SPINK13: variants seen among roughly 807,000 people sequenced by gnomAD.
The protein encoded by SPINK13 is serine peptidase inhibitor Kazal type 13.
In SPINK13, 11 loss-of-function variants were observed where a neutral mutation model predicts 11.0. The observed-to-expected ratio is 1.00, with a 90% CI of 0.63 to 1.65. SPINK13 has a LOEUF of 1.65. Ranked by LOEUF, SPINK13 falls within the 40% of genes most tolerant of loss-of-function variation. The probability of loss-of-function intolerance (pLI) is 0.00; values close to 1 mark genes in which losing one functional copy is unlikely to be tolerated. For missense variants in SPINK13, 113 were observed against 117.7 expected, an observed-to-expected ratio of 0.96 and a Z score of 0.19; for synonymous variants, 31 against 35.6, an observed-to-expected ratio of 0.87 and a Z score of 0.46.
rs551395850 is a variant in SPINK13 at position 148,271,759 on chromosome 5, G to A, written c.70+1617G>A. 2.2e-4 allele frequency among the ~76,000 whole-genome samples: 34 copies of A among 152,180 alleles called. No individual in the cohort carries two copies. In the East Asian group the frequency reaches 6.4e-3, roughly 29 times the overall value. On this transcript the variant is annotated intron_variant, in intron 2 of 4. Coordinates refer to ENST00000398450, the MANE Select transcript of SPINK13 (RefSeq NM_001040129.3). ...CCTGCCTCAGCCTCCCGAGTAGCTG[G>A]CACTACAGGCGCCCGCCACCACGCC...
chr5:148,285,306 T>C (rs1402908998), intron 4 of SPINK13, among the ~76,000 whole-genome samples: 1 of 152,110 alleles, frequency 6.6e-6, no homozygotes, highest in Non-Finnish European at 1.5e-5. Flanking sequence ...ATATCAAAGG[T>C]GAACCTGATT....
chr5:148,286,202 CAAG>C lies in SPINK13; in HGVS notation c.*157_*159del. The C allele has an allele frequency of 2.4e-6, 1 of 413,124 alleles. No homozygotes were observed. Among genetic ancestry groups the C allele is most frequent in the Non-Finnish European group, 4.4e-6 (1 of 229,748 alleles). The allele number at this position is 413,124 out of a possible 1,614,324, so 25.6% of individuals were successfully genotyped here. Reference sequence around the variant, plus strand: ...GACAAAAATGAAGGAATCAAACTGACAAGAACCAAATATCACATTTGTTACAAA... The same window carrying C: ...GACAAAAATGAAGGAATCAAACTGACAACCAAATATCACATTTGTTACAAA... On this transcript the variant is annotated 3_prime_UTR_variant, in exon 5 of 5. Coordinates refer to ENST00000398450, the MANE Select transcript of SPINK13 (RefSeq NM_001040129.3).
intron 4 of SPINK13, 124 bp from the exon 5 acceptor site, chr5:148,285,876 T>G: frequency 1.9e-6 from 1 of 515,644 alleles, no homozygotes; most frequent in Non-Finnish European, 3.4e-6. Flanking sequence ...AAAAGAAGGA[T>G]GTAAAGGGAA....
At chr5:148,280,409 C>T (rs1450161796) in intron 3 of SPINK13, among the ~76,000 whole-genome samples, 1 of 152,170 alleles carries the variant, frequency 6.6e-6, no homozygotes, top group Non-Finnish European at 1.5e-5. Context: ...GATTTTTCCT[C>T]ATCTTTGTGG....
At chr5:148,272,991 C>A (rs73795069) in intron 2 of SPINK13, among the ~76,000 whole-genome samples, 11,706 of 152,210 alleles carry the variant, frequency 0.077, 1,459 homozygotes, top group African/African-American at 0.27. Flanking sequence ...CCAGGAACCT[C>A]TTTCTCAACA....
chr5:148,276,683 G>C (rs993689844), intron 3 of SPINK13, among the ~76,000 whole-genome samples: 12 of 152,050 alleles, frequency 7.9e-5, no homozygotes, highest in Admixed American at 1.3e-4. Context: ...CTGTTGCCTT[G>C]TAGTATAATT....
intron 3 of SPINK13, among the ~76,000 whole-genome samples, chr5:148,280,256 T>C (rs970565899): frequency 1.3e-5 from 2 of 152,296 alleles, no homozygotes; most frequent in Middle Eastern, 3.4e-3. Flanking sequence ...AGAAGCTTGT[T>C]ATTACCCACC....
In SPINK13 at chr5:148,284,771, G is replaced by A. The variant is rs149264040; in HGVS notation, c.237-1229G>A. On this transcript the variant is annotated intron_variant, in intron 4 of 4. Coordinates refer to ENST00000398450, the MANE Select transcript of SPINK13 (RefSeq NM_001040129.3). ...GAGATATCTGCCACTTGTGAACAAC[G>A]TAAAATCTTTGAAAAACAATGATGA... Among the ~76,000 whole-genome samples, 28 of 152,182 alleles carry A rather than the reference G, an allele frequency of 1.8e-4. 1 individual carries two copies. In the East Asian group the frequency reaches 5.0e-3, roughly 27 times the overall value.
intron 1 of SPINK13, 132 bp from the exon 2 acceptor site, chr5:148,269,908 C>G: frequency 2.0e-6 from 1 of 498,244 alleles, no homozygotes; most frequent in Non-Finnish European, 3.4e-6. Flanking sequence ...GGCCTGAGTT[C>G]CTGGAGACCA....
intron 2 of SPINK13, among the ~76,000 whole-genome samples, chr5:148,273,530 G>C (rs1332801351): frequency 6.6e-6 from 1 of 151,566 alleles, no homozygotes; most frequent in Non-Finnish European, 1.5e-5. Flanking sequence ...AGCTACTTTT[G>C]TCATAAAAAT....
chr5:148,270,997 A>G (rs1756342437), intron 2 of SPINK13: 1 of 152,256 alleles, frequency 6.6e-6, no homozygotes, highest in South Asian at 2.1e-4. Flanking sequence ...CACCTCCAGA[A>G]TTGTAAGATA....
chr5:148,274,485 T>C, intron 3 of SPINK13, 101 bp downstream of exon 3: 1 of 935,900 alleles, frequency 1.1e-6, no homozygotes, highest in Admixed American at 2.1e-5. Flanking sequence ...CAGTGGCTCA[T>C]GCCTGTAATT....
intron 1 of SPINK13, 90 bp from the exon 2 acceptor site, chr5:148,269,950 G>T: frequency 1.1e-6 from 1 of 896,360 alleles, no homozygotes; most frequent in Non-Finnish European, 1.7e-6. Flanking sequence ...CAAGTGTACA[G>T]GAATGGTATC....
chr5:148,272,522 A>C (rs4513684), intron 2 of SPINK13, among the ~76,000 whole-genome samples: 31,762 of 152,054 alleles, frequency 0.21, 9,686 homozygotes, highest in African/African-American at 0.67. Flanking sequence ...TGCCAAAGAG[A>C]ACTTGTCCAT....
chr5:148,285,502 A>T (rs938957145), intron 4 of SPINK13, among the ~76,000 whole-genome samples: 1 of 152,216 alleles, frequency 6.6e-6, no homozygotes, highest in African/African-American at 2.4e-5. Flanking sequence ...TGAAAGGAAC[A>T]TTATGTATTT....
chr5:148,276,064 T>C (rs1184779506), intron 3 of SPINK13, among the ~76,000 whole-genome samples: 1 of 152,214 alleles, frequency 6.6e-6, no homozygotes, highest in Non-Finnish European at 1.5e-5. Context: ...ATGAGCGTTT[T>C]TTCATATGTT....
intron 1 of SPINK13, 61 bp from the exon 2 acceptor site, chr5:148,269,979 C>T: frequency 8.2e-7 from 1 of 1,217,312 alleles, no homozygotes; most frequent in Non-Finnish European, 1.2e-6. Context: ...GTATTGTGTT[C>T]TCTCACATTG....
chr5:148,284,317 T>C (rs1424552247), intron 4 of SPINK13, among the ~76,000 whole-genome samples: 1 of 151,692 alleles, frequency 6.6e-6, no homozygotes, highest in Admixed American at 6.6e-5. Flanking sequence ...CTTCCTTCCT[T>C]CCTCCCTCTC....
intron 3 of SPINK13, among the ~76,000 whole-genome samples, chr5:148,275,878 G>T (rs752817756): frequency 6.6e-6 from 1 of 151,896 alleles, no homozygotes; most frequent in Non-Finnish European, 1.5e-5. Flanking sequence ...AGCCAGGATG[G>T]TCTCAATCTC....
Sources: allele counts gnomAD v4.1 joint callset (sites outside exome capture counted in the v4.1 genomes callset), GRCh38; gene constraint gnomAD v4.1.1; transcripts MANE v1.5; gene names NCBI Gene and HGNC (gene_info 2026-07-23, HGNC 2026-07-21).